HEPHL1: variants seen among roughly 807,000 people sequenced by gnomAD.
HEPHL1 encodes ferroxidase HEPHL1.
A neutral mutation model predicts 122.0 loss-of-function variants in HEPHL1; 123 were observed. That is an observed-to-expected ratio of 1.01 (90% CI 0.87 to 1.17). The LOEUF (loss-of-function observed/expected upper bound fraction) is 1.17. Ranked by LOEUF, HEPHL1 falls within the 50% of genes most tolerant of loss-of-function variation. The pLI, the probability that HEPHL1 is intolerant of heterozygous loss-of-function variation, is 0.00. For synonymous variants in HEPHL1, 527 were observed against 508.9 expected (o/e 1.04, Z -0.48); for missense variants, 1,452 against 1,430.5 (o/e 1.01, Z -0.24).
chr11:94,105,061 A>C (rs1946398263), intron 16 of HEPHL1, among the ~76,000 whole-genome samples: 1 of 152,228 alleles, frequency 6.6e-6, no homozygotes, highest in Non-Finnish European at 1.5e-5. Flanking sequence ...TTTTATAAGA[A>C]TATGCCATAA....
Position 94,049,618 on chromosome 11 carries a change from T to TAAAAA in HEPHL1, c.415+3713_415+3717dup, listed in dbSNP as rs3995730. On this transcript the variant is annotated intron_variant, in intron 2 of 19. Coordinates refer to ENST00000315765, the MANE Select transcript of HEPHL1 (RefSeq NM_001098672.2). ...AAGATGAATGAATCATAGGATGTAG[T>TAAAAA]AAAAAAAAAAAAAAAATCAATGACC... Among the ~76,000 whole-genome samples, 778 of 138,334 alleles carry TAAAAA rather than the reference T, an allele frequency of 5.6e-3. 16 individuals are homozygous for TAAAAA. Among genetic ancestry groups the TAAAAA allele is most frequent in the East Asian group, 0.028 (131 of 4,760 alleles). 90.8% of individuals were successfully genotyped at this position (138,334 alleles called of 152,430 possible).
At chr11:94,067,143 G>C (rs1408485483) in intron 4 of HEPHL1, among the ~76,000 whole-genome samples, 1 of 152,162 alleles carries the variant, frequency 6.6e-6, no homozygotes, top group African/African-American at 2.4e-5. Flanking sequence ...GAAGACAGCA[G>C]ATATGCCAGT....
chr11:94,110,875 G>A, intron 17 of HEPHL1, 28 bp from the exon 18 acceptor site: 1 of 1,590,644 alleles, frequency 6.3e-7, no homozygotes, highest in Non-Finnish European at 8.6e-7. Context: ...AAGGCTACTA[G>A]CTGTTGTTTT....
chr11:94,105,898 A>C (rs1946404250), intron 16 of HEPHL1, 93 bp from the exon 17 acceptor site: 6 of 853,318 alleles, frequency 7.0e-6, no homozygotes, highest in African/African-American at 3.4e-5. Flanking sequence ...AGACAGATGA[A>C]AATATCAGTG....
intron 6 of HEPHL1, among the ~76,000 whole-genome samples, chr11:94,072,204 G>A (rs1772491365): frequency 6.6e-6 from 1 of 152,068 alleles, no homozygotes; most frequent in African/African-American, 2.4e-5. Context: ...TAATAGTTGT[G>A]TGTCTATGCT....
At chr11:94,064,629 T>A in intron 4 of HEPHL1, 119 bp downstream of exon 4, 2 of 683,850 alleles carry the variant, frequency 2.9e-6, no homozygotes, top group Non-Finnish European at 4.9e-6. Flanking sequence ...AACTCAGGGA[T>A]GACCATGGTT....
chr11:94,050,340 T>A (rs764852581), intron 2 of HEPHL1, among the ~76,000 whole-genome samples: 19 of 152,278 alleles, frequency 1.2e-4, no homozygotes, highest in Non-Finnish European at 2.1e-4. Context: ...TCTTTTGACT[T>A]ATTACACAGC....
chr11:94,064,422 C>T lies in HEPHL1; in HGVS notation c.720C>T (p.Tyr240=). 2.5e-6 allele frequency: 4 copies of T among 1,611,840 alleles called. No homozygotes were observed. The highest frequency in any genetic ancestry group is 3.4e-6 in the Non-Finnish European group (4 of 1,178,040). ...FTLVDENQSW[Y]LNENIKHFCT... ...TTGTGGATGAGAATCAAAGCTGGTA[C>T]CTCAATGAAAATATCAAACATTTCT... The change falls in exon 4 of 20, where the codon TAC becomes TAT. Residue 240 remains tyrosine, a synonymous_variant. Transcript: ENST00000315765.
At chr11:94,104,460 G>A in intron 15 of HEPHL1, 68 bp from the exon 16 acceptor site, 1 of 1,070,262 alleles carries the variant, frequency 9.3e-7, no homozygotes, top group Non-Finnish European at 1.4e-6. Flanking sequence ...CTAGAATGGT[G>A]GCAGGTGGAA....
rs553328933 is a variant in HEPHL1, at chr11:94,052,537, G to A, written c.415+6620G>A. ...GTGGAGCCGTTAGGTTTTTCCAAAT[G>A]TAAGATTATATCATCTGCAAATAAG... is the stretch of plus-strand genomic sequence containing the variant. On this transcript the variant is annotated intron_variant, in intron 2 of 19. Coordinates refer to ENST00000315765, the MANE Select transcript of HEPHL1 (RefSeq NM_001098672.2). 3.3e-5 allele frequency among the ~76,000 whole-genome samples: 5 copies of A among 151,926 alleles called. No individual in the cohort carries two copies. The East Asian group carries it at 9.7e-4, about 30-fold the overall frequency.
intron 1 of HEPHL1, among the ~76,000 whole-genome samples, chr11:94,033,144 C>T (rs1484643753): frequency 6.6e-6 from 1 of 152,152 alleles, no homozygotes; most frequent in Non-Finnish European, 1.5e-5. Flanking sequence ...TGCTTTCCTT[C>T]CTTTTGTTCC....
Position 94,046,091 on chromosome 11 carries a change from C to CTTTTTTTTTTTTTTTTTTTTTTTTTTTT in HEPHL1, c.415+195_415+196insTTTTTTTTTTTTTTTTTTTTTTTTTTTT, listed in dbSNP as rs755367459. Among the ~76,000 whole-genome samples, 10 of 65,048 alleles carry CTTTTTTTTTTTTTTTTTTTTTTTTTTTT rather than the reference C, an allele frequency of 1.5e-4. 4 individuals carry two copies. The highest frequency in any genetic ancestry group is 6.0e-4 in the Admixed American group (2 of 3,324). 42.7% of individuals were successfully genotyped at this position (65,048 alleles called of 152,430 possible). On this transcript the variant is annotated intron_variant, in intron 2 of 19. Coordinates refer to ENST00000315765, the MANE Select transcript of HEPHL1 (RefSeq NM_001098672.2). ...TTCTGTCTCTCTCTTCCCTTTCTTG[C>CTTTTTTTTTTTTTTTTTTTTTTTTTTTT]TTTTTTTTTTTTTTTTTTTTTGAGA...
At chr11:94,099,748 A>T (rs1031513517) in intron 13 of HEPHL1, among the ~76,000 whole-genome samples, 2 of 152,104 alleles carry the variant, frequency 1.3e-5, no homozygotes, top group Non-Finnish European at 2.9e-5. Context: ...GCCACCTTGC[A>T]GTTTGATCTC....
chr11:94,039,674 G>A (rs1015325966), intron 1 of HEPHL1, among the ~76,000 whole-genome samples: 1 of 151,274 alleles, frequency 6.6e-6, no homozygotes, highest in Non-Finnish European at 1.5e-5. Context: ...TGAAACCAAC[G>A]AGAACAAAGA....
At chr11:94,031,831 A>G (rs1290150368) in intron 1 of HEPHL1, among the ~76,000 whole-genome samples, 2 of 152,176 alleles carry the variant, frequency 1.3e-5, no homozygotes, top group Non-Finnish European at 2.9e-5. Flanking sequence ...TAATAATCAG[A>G]TGCTCTGGGC....
chr11:94,028,968 C>A (rs535896284), intron 1 of HEPHL1, among the ~76,000 whole-genome samples: 1 of 152,190 alleles, frequency 6.6e-6, no homozygotes, highest in South Asian at 2.1e-4. Context: ...TATCCCTTCC[C>A]ACTTCTTTTT....
At chr11:94,107,124 A>G (rs1336000874) in intron 17 of HEPHL1, among the ~76,000 whole-genome samples, 2 of 152,256 alleles carry the variant, frequency 1.3e-5, no homozygotes, top group African/African-American at 4.8e-5. Flanking sequence ...TGGAATAGAA[A>G]AGAACAATCA....
intron 13 of HEPHL1, among the ~76,000 whole-genome samples, chr11:94,099,717 C>T (rs1333109517): frequency 1.3e-5 from 2 of 152,154 alleles, no homozygotes; most frequent in African/African-American, 2.4e-5. Flanking sequence ...CAATGGTGGG[C>T]GCCCCTCCCC....
intron 1 of HEPHL1, among the ~76,000 whole-genome samples, chr11:94,045,006 A>C (rs920028309): frequency 6.6e-6 from 1 of 151,988 alleles, no homozygotes; most frequent in African/African-American, 2.4e-5. Flanking sequence ...CCCAGGCTTG[A>C]GTGATCCTCC....
Sources: gnomAD v4.1 joint callset for allele counts (sites outside exome capture counted in the v4.1 genomes callset) on GRCh38, gnomAD v4.1.1 for gene constraint, MANE v1.5 for transcripts, NCBI Gene and HGNC (gene_info 2026-07-23, HGNC 2026-07-21) for gene names.